TAB1: variants seen among roughly 807,000 people sequenced by gnomAD.
TAB1 encodes TGF-beta-activated kinase 1 and MAP3K7-binding protein 1.
A neutral mutation model predicts 54.5 loss-of-function variants in TAB1; 30 were observed. The ratio of observed to expected loss-of-function variants is 0.55; its 90% CI spans 0.41 to 0.75. The LOEUF (loss-of-function observed/expected upper bound fraction) is 0.75, where lower values mean the gene tolerates loss of function less well. TAB1 is among the 30% of genes least tolerant of loss of function. TAB1 has a pLI of 0.00. For synonymous variants in TAB1, 289 were observed against 286.9 expected, an observed-to-expected ratio of 1.01 and a Z score of -0.07; for missense variants, 609 against 683.2, an observed-to-expected ratio of 0.89 and a Z score of 1.21.
chr22:39,426,315 A>C (rs535532663), intron 8 of TAB1, among the ~76,000 whole-genome samples: 1 of 152,240 alleles, frequency 6.6e-6, no homozygotes, highest in South Asian at 2.1e-4. Flanking sequence ...CATGTATAAC[A>C]TCGCCTACAA....
chr22:39,416,868 A>G lies in TAB1; in HGVS notation c.402A>G (p.Gln134=). The G allele has an allele frequency of 1.2e-6, 2 of 1,614,212 alleles. No individual in the cohort carries two copies. Among genetic ancestry groups the G allele is most frequent in the Non-Finnish European group, 1.7e-6 (2 of 1,180,030 alleles). Residue 134 remains glutamine, a synonymous_variant, in exon 4 of 11, where the codon CAA becomes CAG. Coordinates refer to ENST00000216160, the MANE Select transcript of TAB1 (RefSeq NM_006116.3). ...ALAEKASLQS[Q]LPEGVPQHQL... ...CTGAGAAGGCAAGCCTCCAGTCGCA[A>G]TTGCCAGAGGTAATTTCCCCAGCCG...
chr22:39,408,034 G>C (rs1235428398), intron 1 of TAB1, among the ~76,000 whole-genome samples: 2 of 152,152 alleles, frequency 1.3e-5, no homozygotes, highest in East Asian at 3.8e-4. Flanking sequence ...TTTCTGGAGT[G>C]TTTTTACCAA....
intron 8 of TAB1, among the ~76,000 whole-genome samples, chr22:39,422,290 A>G (rs1162058399): frequency 6.6e-6 from 1 of 152,024 alleles, no homozygotes; most frequent in East Asian, 1.9e-4. Context: ...GGAGGAGAGC[A>G]CAGAAAGAGA....
chr22:39,436,642 C>G, downstream of TAB1: 1 of 1,241,846 alleles, frequency 8.1e-7, no homozygotes, highest in Non-Finnish European at 1.2e-6. Context: ...CCTGGTCTGA[C>G]TTGTGCACTG....
intron 1 of TAB1, among the ~76,000 whole-genome samples, chr22:39,413,560 G>C (rs906635285): frequency 2.6e-5 from 4 of 152,114 alleles, no homozygotes; most frequent in African/African-American, 7.2e-5. Context: ...GGGATTACAG[G>C]CATGCACCAC....
intron 1 of TAB1, among the ~76,000 whole-genome samples, chr22:39,412,817 TTTC>T (rs1926662043): frequency 6.6e-6 from 1 of 152,284 alleles, no homozygotes; most frequent in Admixed American, 6.5e-5. Flanking sequence ...GTGTGTTTTA[TTTC>T]TTTTACAGAT....
intron 10 of TAB1, 43 bp downstream of exon 10, chr22:39,428,226 C>T (rs1949781101): frequency 7.3e-7 from 1 of 1,362,476 alleles, no homozygotes; most frequent in Admixed American, 1.9e-5. Flanking sequence ...CCTGTCACCC[C>T]CGTGTGTGTC....
At chr22:39,429,063 C>A (rs1370598216) in intron 10 of TAB1, 1 of 985,352 alleles carries the variant, frequency 1.0e-6, no homozygotes, top group Non-Finnish European at 1.2e-6. Flanking sequence ...AGTGTGAGCG[C>A]TGTGGCCCTA....
chr22:39,427,961 C>T (rs1210066943), intron 9 of TAB1, 60 bp from the exon 10 acceptor site: 1 of 1,492,484 alleles, frequency 6.7e-7, no homozygotes. Flanking sequence ...AGCTATGCCC[C>T]TGCTACCCTG....
chr22:39,424,779 C>T (rs1927245540), intron 8 of TAB1, among the ~76,000 whole-genome samples: 1 of 152,124 alleles, frequency 6.6e-6, no homozygotes, highest in African/African-American at 2.4e-5. Flanking sequence ...GTTATATAAG[C>T]TTACCATTCC....
At chr22:39,432,940 A>G, downstream of TAB1, 1 of 985,406 alleles carries the variant, frequency 1.0e-6, no homozygotes, top group African/African-American at 1.7e-5. Context: ...CCAGGAGTCA[A>G]GGTAAGGAAA....
Position 39,421,938 on chromosome 22 carries a change from A to C in TAB1, c.888A>C (p.Leu296=). ...VLMSEGLYKA[L]EAAHGPGQAN... ...TGTCGGAGGGGTTGTACAAGGCCCTAGAGGCAGCCCATGGGCCTGGGCAGG... is the reference window on the plus strand; with the variant it reads ...TGTCGGAGGGGTTGTACAAGGCCCTCGAGGCAGCCCATGGGCCTGGGCAGG... The change falls in exon 8 of 11, where the codon CTA becomes CTC. Residue 296 remains leucine, a synonymous_variant. Coordinates refer to ENST00000216160, the MANE Select transcript of TAB1 (RefSeq NM_006116.3). 6.2e-7 allele frequency: 1 copy of C among 1,601,186 alleles called. No individual in the cohort carries two copies. Among genetic ancestry groups the C allele is most frequent in the Non-Finnish European group, 8.5e-7 (1 of 1,174,416 alleles).
downstream of TAB1, chr22:39,436,691 G>T (rs954153956): frequency 1.4e-5 from 11 of 785,950 alleles, no homozygotes; most frequent in Admixed American, 2.4e-4. Context: ...CCCCCTCCCC[G>T]GGACTGGGCA....
intron 1 of TAB1, among the ~76,000 whole-genome samples, chr22:39,404,855 C>T (rs1424265699): frequency 2.0e-5 from 3 of 152,124 alleles, no homozygotes; most frequent in African/African-American, 7.2e-5. Flanking sequence ...TCAATGAAAA[C>T]TCCGGTGGGA....
chr22:39,414,079 G>A (rs765880604), intron 1 of TAB1, among the ~76,000 whole-genome samples: 2 of 152,182 alleles, frequency 1.3e-5, no homozygotes, highest in Non-Finnish European at 2.9e-5. Flanking sequence ...GATCCTATGG[G>A]GTAGAATGGG....
At chr22:39,429,789 C>T in intron 10 of TAB1, 1 of 984,292 alleles carries the variant, frequency 1.0e-6, no homozygotes, top group Non-Finnish European at 1.2e-6. Context: ...GCCCCATTTT[C>T]TTTACCTTTA....
chr22:39,408,532 T>G (rs1926473130), intron 1 of TAB1, among the ~76,000 whole-genome samples: 1 of 152,214 alleles, frequency 6.6e-6, no homozygotes, highest in Admixed American at 6.5e-5. Context: ...GGAGTCTCGC[T>G]CTGTCATCCA....
intron 1 of TAB1, among the ~76,000 whole-genome samples, chr22:39,412,949 C>G (rs1408087955): frequency 7.8e-6 from 1 of 127,820 alleles, no homozygotes; most frequent in Non-Finnish European, 1.5e-5. Flanking sequence ...GAGTCTCGCT[C>G]TGTCACCCAG....
At position 39,430,296 on chromosome 22, in the gene TAB1, C is replaced by T; in HGVS notation, c.*74C>T. On this transcript the variant is annotated 3_prime_UTR_variant, in exon 11 of 11. Coordinates refer to ENST00000216160, the MANE Select transcript of TAB1 (RefSeq NM_006116.3). ...GGGTCCAGCCTTTTCCTAACATCTG[C>T]CTGTGCCACAACGGCCAGCAGGTGC... 6.3e-7 allele frequency: 1 copy of T among 1,586,340 alleles called. No individual in the cohort carries two copies. The highest frequency in any genetic ancestry group is 1.1e-5 in the South Asian group (1 of 90,050).
Sources: allele counts gnomAD v4.1 joint callset (sites outside exome capture counted in the v4.1 genomes callset), GRCh38; gene constraint gnomAD v4.1.1; transcripts MANE v1.5; gene names NCBI Gene and HGNC (gene_info 2026-07-23, HGNC 2026-07-21).